ERBIN: variants seen among roughly 807,000 people sequenced by gnomAD.
ERBIN encodes the protein erbb2 interacting protein, also known as densin-180-like protein.
ERBIN carries 60 observed loss-of-function variants against 158.4 expected under a neutral mutation model. The ratio of observed to expected loss-of-function variants is 0.38; its 90% CI spans 0.31 to 0.47. ERBIN has a LOEUF of 0.47. ERBIN is among the 20% of genes least tolerant of loss of function. ERBIN has a pLI of 0.99. For missense variants in ERBIN, 1,610 were observed against 1,648.0 expected (o/e 0.98, Z 0.40); for synonymous variants, 594 against 557.2 (o/e 1.07, Z -0.93).
In ERBIN at chr5:66,048,720, A is replaced by G; in HGVS notation, c.1842A>G (p.Pro614=). The G allele has an allele frequency of 1.2e-6, 2 of 1,609,074 alleles. No homozygotes were observed. The highest frequency in any genetic ancestry group is 1.7e-6 in the Non-Finnish European group (2 of 1,177,600). The part of the protein sequence containing the change: ...DEEMKMAEMR[P]PLIETSINQP... ...AGATGAAAATGGCGGAGATGCGACC[A>G]CCATTAATTGAAACCTCTATTAACC... Residue 614 remains proline (P), a synonymous_variant, in exon 19 of 26, where the codon CCA becomes CCG. Transcript: ENST00000284037.
intron 1 of ERBIN, among the ~76,000 whole-genome samples, chr5:65,954,872 C>G (rs2150934850): frequency 6.6e-6 from 1 of 152,054 alleles, no homozygotes; most frequent in East Asian, 1.9e-4. Context: ...TGAGACCAGC[C>G]TGGGCAACAT....
chr5:66,003,561 G>T (rs1185826926), intron 4 of ERBIN, among the ~76,000 whole-genome samples: 1 of 152,170 alleles, frequency 6.6e-6, no homozygotes, highest in Admixed American at 6.5e-5. Flanking sequence ...CTGGGAAAAG[G>T]TGCTGTTTGG....
intron 1 of ERBIN, among the ~76,000 whole-genome samples, chr5:65,936,636 C>T (rs1250084435): frequency 1.3e-5 from 2 of 152,146 alleles, no homozygotes; most frequent in Non-Finnish European, 2.9e-5. Flanking sequence ...CAAATGTCTA[C>T]AGAGTGAGAC....
chr5:65,982,405 T>C (rs953928540), intron 1 of ERBIN, among the ~76,000 whole-genome samples: 1 of 152,206 alleles, frequency 6.6e-6, no homozygotes, highest in African/African-American at 2.4e-5. Context: ...TAAATGACAT[T>C]GCTCAGAGGA....
At chr5:66,044,114 T>G in intron 16 of ERBIN, 23 bp from the exon 17 acceptor site, 1 of 1,493,152 alleles carries the variant, frequency 6.7e-7, no homozygotes, top group Non-Finnish European at 8.9e-7. Flanking sequence ...GTACTTCATA[T>G]TTTACTTATT....
chr5:66,068,801 GTC>G (rs1761259491), intron 21 of ERBIN: 1 of 1,302,530 alleles, frequency 7.7e-7, no homozygotes, highest in African/African-American at 1.5e-5. Context: ...TTGTAAATAA[GTC>G]TACGTATATA....
intron 25 of ERBIN, among the ~76,000 whole-genome samples, chr5:66,077,268 C>T (rs1762073046): frequency 6.6e-6 from 1 of 151,916 alleles, no homozygotes; most frequent in African/African-American, 2.4e-5. Flanking sequence ...GGCTATTGTC[C>T]TTTCAGAAAT....
At chr5:66,026,048 T>C (rs1756208284) in intron 12 of ERBIN, 71 bp downstream of exon 12, 1 of 1,204,976 alleles carries the variant, frequency 8.3e-7, no homozygotes, top group Non-Finnish European at 1.2e-6. Flanking sequence ...TATAGCTATT[T>C]AGTGTGGCTT....
chr5:66,006,284 C>A (rs1415506939), intron 4 of ERBIN, among the ~76,000 whole-genome samples: 7 of 152,134 alleles, frequency 4.6e-5, no homozygotes, highest in Non-Finnish European at 8.8e-5. Flanking sequence ...CAAAAACAAG[C>A]AATGGGGAAA....
chr5:65,958,304 C>T (rs1049002441), intron 1 of ERBIN, among the ~76,000 whole-genome samples: 23 of 152,170 alleles, frequency 1.5e-4, no homozygotes, highest in African/African-American at 5.3e-4. Context: ...GCCGAGATCA[C>T]GCCACTGCAC....
intron 24 of ERBIN, 74 bp from the exon 25 acceptor site, chr5:66,076,801 G>C (rs1245901777): frequency 9.4e-7 from 1 of 1,060,432 alleles, no homozygotes; most frequent in African/African-American, 1.6e-5. Context: ...ATGGTGTGGA[G>C]GAAAAATTGC....
chr5:65,958,513 G>C (rs956712066), intron 1 of ERBIN, among the ~76,000 whole-genome samples: 50 of 152,254 alleles, frequency 3.3e-4, no homozygotes, highest in African/African-American at 1.1e-3. Context: ...CGCAGGCACT[G>C]GGCAGGCTGA....
intron 5 of ERBIN, among the ~76,000 whole-genome samples, chr5:66,012,334 G>C (rs1754293243): frequency 6.6e-6 from 1 of 152,132 alleles, no homozygotes; most frequent in Non-Finnish European, 1.5e-5. Context: ...AAGAGATAGT[G>C]AGAGTGTTTT....
intron 10 of ERBIN, 199 bp from the exon 11 acceptor site, chr5:66,025,281 A>C: frequency 1.7e-6 from 1 of 586,126 alleles, no homozygotes; most frequent in South Asian, 2.0e-5. Context: ...ACACTATGTT[A>C]AATAGTGATG....
intron 1 of ERBIN, among the ~76,000 whole-genome samples, chr5:65,965,382 G>GTTTTTTTTTTTTTTTTTTTTTTTTTTT (rs200847060): frequency 5.2e-5 from 5 of 96,060 alleles, no homozygotes; most frequent in Admixed American, 3.6e-4. Flanking sequence ...GTTTTTTGTT[G>GTTTTTTTTTTTTTTTTTTTTTTTTTTT]TTTTTTTTTT....
At chr5:65,968,037 A>G (rs933280567) in intron 1 of ERBIN, among the ~76,000 whole-genome samples, 3 of 152,232 alleles carry the variant, frequency 2.0e-5, no homozygotes, top group African/African-American at 7.2e-5. Flanking sequence ...GACGTCATGT[A>G]GCATCACTTC....
chr5:65,936,153 T>A (rs1580065685), intron 1 of ERBIN, among the ~76,000 whole-genome samples: 1 of 150,378 alleles, frequency 6.6e-6, no homozygotes, highest in Non-Finnish European at 1.5e-5. Context: ...TGGAGGGAGG[T>A]CTGATGGAGG....
Position 66,043,071 on chromosome 5 carries a change from C to T in ERBIN, c.1307-6C>T, listed in dbSNP as rs760181378. The T allele has an allele frequency of 3.8e-6, 6 of 1,573,448 alleles. No individual in the cohort carries two copies. The highest frequency in any genetic ancestry group is 1.4e-5 in the African/African-American group (1 of 72,844). On this transcript the variant is annotated splice_polypyrimidine_tract_variant and splice_region_variant and intron_variant, in intron 15 of 25. Coordinates refer to ENST00000284037, the MANE Select transcript of ERBIN (RefSeq NM_001253697.2). ...TAGTAGGTTTTTGTTTTTTACTTTT[C>T]TCTAGTTATGTTTATATCAGATAAT...
chr5:65,982,379 A>G (rs73107515), intron 1 of ERBIN, among the ~76,000 whole-genome samples: 7 of 152,188 alleles, frequency 4.6e-5, no homozygotes, highest in Non-Finnish European at 1.0e-4. Context: ...GAATGTCTTT[A>G]TACAAACACC....
Sources: allele counts gnomAD v4.1 joint callset (sites outside exome capture counted in the v4.1 genomes callset), GRCh38; gene constraint gnomAD v4.1.1; transcripts MANE v1.5; gene names NCBI Gene and HGNC (gene_info 2026-07-23, HGNC 2026-07-21).